The following PARP1 variants were observed in gnomAD, a reference collection of about 807,000 sequenced individuals.
PARP1 encodes poly(ADP-ribose) polymerase 1, also known as poly [ADP-ribose] polymerase 1.
A neutral mutation model predicts 118.7 loss-of-function variants in PARP1; 44 were observed. That is an observed-to-expected ratio of 0.37 (90% confidence interval 0.29 to 0.48). PARP1 has a LOEUF of 0.48. PARP1 is among the 20% of genes least tolerant of loss of function. PARP1 has a pLI of 0.99. For missense variants in PARP1, 1,100 were observed against 1,272.4 expected, an observed-to-expected ratio of 0.86 and a Z score of 2.06; for synonymous variants, 492 against 483.2, an observed-to-expected ratio of 1.02 and a Z score of -0.24.
chr1:226,400,838 C>A (rs1027311961), intron 2 of PARP1, among the ~76,000 whole-genome samples: 46 of 152,222 alleles, frequency 3.0e-4, no homozygotes, highest in African/African-American at 9.6e-4. Flanking sequence ...ATGCTGCTCC[C>A]TTCCTCCTGC....
intron 9 of PARP1, among the ~76,000 whole-genome samples, chr1:226,380,826 G>A (rs1430305459): frequency 4.6e-5 from 7 of 152,298 alleles, no homozygotes; most frequent in East Asian, 3.9e-4. Flanking sequence ...TTCGGGACTA[G>A]GGAGACTCAA....
intron 18 of PARP1, 53 bp downstream of exon 18, chr1:226,365,901 C>T: frequency 1.7e-6 from 2 of 1,182,464 alleles, no homozygotes; most frequent in Non-Finnish European, 2.5e-6. Context: ...GAGGAGTGGG[C>T]AGGGAAGAGC....
At chr1:226,373,393 G>A (rs1558235526) in intron 14 of PARP1, among the ~76,000 whole-genome samples, 1 of 152,200 alleles carries the variant, frequency 6.6e-6, no homozygotes, top group Non-Finnish European at 1.5e-5. Flanking sequence ...CAGCAGCTAG[G>A]GTAGAGAGGA....
chr1:226,367,424 A>G, intron 17 of PARP1, 56 bp downstream of exon 17: 7 of 1,601,274 alleles, frequency 4.4e-6, no homozygotes, highest in Non-Finnish European at 6.0e-6. Context: ...GAAGTTTGGG[A>G]CCGCTGCTCT....
chr1:226,387,601 C>G (rs1036028803), intron 5 of PARP1, among the ~76,000 whole-genome samples: 5 of 152,094 alleles, frequency 3.3e-5, no homozygotes, highest in Non-Finnish European at 2.9e-5. Context: ...TACACTGGGA[C>G]ACCAGGAATG....
intron 15 of PARP1, among the ~76,000 whole-genome samples, 177 bp downstream of exon 15, chr1:226,370,257 T>G (rs2102730046): frequency 6.6e-6 from 1 of 152,326 alleles, no homozygotes; most frequent in South Asian, 2.1e-4. Flanking sequence ...TAAACTTTTG[T>G]AAGTAGCAGG....
intron 13 of PARP1, 81 bp downstream of exon 13, chr1:226,377,027 G>T: frequency 8.2e-7 from 1 of 1,213,568 alleles, no homozygotes; most frequent in Non-Finnish European, 1.2e-6. Context: ...GATGCCACCT[G>T]ATCCACGATG....
At position 226,385,533 on chromosome 1, in the gene PARP1, G is replaced by T; in HGVS notation, c.982C>A (p.Pro328Thr). ...WTKCMVKTQT[P>T]NRKEWVTPKE... Reference sequence around the variant, plus strand: ...GGGGTTACCCACTCCTTCCGGTTGGGTGTCTGTGTCTTGACCATACACTTG... The same window carrying T: ...GGGGTTACCCACTCCTTCCGGTTGGTTGTCTGTGTCTTGACCATACACTTG... Residue 328 changes from proline (P) to threonine (T), a missense_variant, in exon 7 of 23, where the codon CCC (proline) becomes ACC (threonine). Pro to Thr is a conservative substitution (Grantham distance 38, BLOSUM62 -1). Coordinates refer to ENST00000366794, the MANE Select transcript of PARP1 (RefSeq NM_001618.4). 6.2e-7 allele frequency: 1 copy of T among 1,614,126 alleles called. No individual in the cohort carries two copies. Among genetic ancestry groups the T allele is most frequent in the African/African-American group, 1.3e-5 (1 of 75,036 alleles).
chr1:226,402,049 C>G lies in PARP1; in HGVS notation c.286+165G>C, dbSNP rs547524933. Reference sequence around the variant, plus strand: ...ACCAAATATCATGCAACAGATGATGCTGAGTCCAGGAGGTGTTGCTGAAAT... The same window carrying G: ...ACCAAATATCATGCAACAGATGATGGTGAGTCCAGGAGGTGTTGCTGAAAT... On this transcript the variant is annotated intron_variant, in intron 2 of 22. Transcript: ENST00000366794. 17 of 1,537,096 alleles carry G rather than the reference C, an allele frequency of 1.1e-5. No individual in the cohort carries two copies. The East Asian group carries it at 2.7e-4, about 24-fold the overall frequency.
intron 1 of PARP1, among the ~76,000 whole-genome samples, chr1:226,403,569 T>A (rs1050820230): frequency 6.6e-6 from 1 of 152,242 alleles, no homozygotes; most frequent in Admixed American, 6.5e-5. Context: ...TAAGCCATCC[T>A]GTGTAATCCC....
At chr1:226,406,890 C>T (rs185541875) in intron 1 of PARP1, among the ~76,000 whole-genome samples, 221 of 152,272 alleles carry the variant, frequency 1.5e-3, no homozygotes, top group African/African-American at 4.8e-3. Flanking sequence ...TCCTAAAACA[C>T]ATTACAGCTC....
In PARP1 at chr1:226,379,132, C is replaced by T. The variant is rs1381193531; in HGVS notation, c.1745+10G>A. ...TCTCTGCACAACCAGGCTACACCTG[C>T]AGAACTCACCTGTTTTCCTTGTCGT... is the stretch of plus-strand genomic sequence containing the variant. On this transcript the variant is annotated intron_variant, in intron 12 of 22. Coordinates refer to ENST00000366794, the MANE Select transcript of PARP1 (RefSeq NM_001618.4). The T allele has an allele frequency of 6.2e-7, 1 of 1,614,184 alleles. No individual in the cohort carries two copies. The highest frequency in any genetic ancestry group is 8.5e-7 in the Non-Finnish European group (1 of 1,180,042).
chr1:226,402,462 C>A, intron 1 of PARP1, 83 bp from the exon 2 acceptor site: 2 of 1,322,680 alleles, frequency 1.5e-6, no homozygotes, highest in East Asian at 2.5e-5. Context: ...TGACCTCGAC[C>A]CCAGTCCCAG....
At position 226,370,504 on chromosome 1, in the gene PARP1, T is replaced by C. The variant is rs756877100; in HGVS notation, c.2084A>G (p.Lys695Arg). The C allele has an allele frequency of 1.2e-6, 2 of 1,613,776 alleles. No homozygotes were observed. The highest frequency in any genetic ancestry group is 2.2e-5 in the South Asian group (2 of 91,076). Residue 695 changes from lysine (K) to arginine (R), a missense_variant, in exon 15 of 23, where the codon AAG becomes AGG. Physicochemically the swap from Lys to Arg is conservative, Grantham distance 26. Coordinates refer to ENST00000366794, the MANE Select transcript of PARP1 (RefSeq NM_001618.4). ...AMVEYEIDLQ[K>R]MPLGKLSKRQ... is the part of the protein sequence containing the mutation. ...TTTGCTCAGCTTCCCCAAGGGCATC[T>C]TCTGAAGGTCGATCTGAGGAGACAG...
At chr1:226,392,441 T>C (rs528989084) in intron 2 of PARP1, 127 bp from the exon 3 acceptor site, 30 of 748,708 alleles carry the variant, frequency 4.0e-5, no homozygotes, top group Middle Eastern at 7.2e-4. Flanking sequence ...GAGACTACGA[T>C]TGGTCCATCT....
intron 1 of PARP1, among the ~76,000 whole-genome samples, chr1:226,405,092 G>C (rs745523213): frequency 2.0e-5 from 3 of 152,180 alleles, no homozygotes; most frequent in Non-Finnish European, 2.9e-5. Flanking sequence ...AAATGTAAAA[G>C]AAGGTATTTA....
chr1:226,392,917 C>T, intron 2 of PARP1: 1 of 1,564,046 alleles, frequency 6.4e-7, no homozygotes, highest in Admixed American at 2.3e-5. Flanking sequence ...TGTTTCTTGC[C>T]TAAGATTAGG....
In PARP1 at chr1:226,361,964, G is replaced by A. The variant is rs756052374; in HGVS notation, c.2963+5C>T. ...TGCTCACACAGCATACTCAAGAAAG[G>A]ATACTCGTTATATAGTAGAGAGGTG... On this transcript the variant is annotated splice_donor_5th_base_variant and intron_variant, in intron 22 of 22. Transcript: ENST00000366794. 1 of 1,509,418 alleles carries A rather than the reference G, an allele frequency of 6.6e-7. No homozygotes were observed. Among genetic ancestry groups the A allele is most frequent in the East Asian group, 2.3e-5 (1 of 44,418 alleles). 93.5% of individuals were successfully genotyped at this position (1,509,418 alleles called of 1,614,324 possible). A position where few individuals can be genotyped will look rare whatever the true frequency, so the allele number is the denominator to read the frequency against.
chr1:226,392,923 T>C (rs1664847353), intron 2 of PARP1: 1 of 1,568,052 alleles, frequency 6.4e-7, no homozygotes. Flanking sequence ...TTGCCTAAGA[T>C]TAGGAATAAG....
Sources: gnomAD v4.1 joint callset for allele counts (sites outside exome capture counted in the v4.1 genomes callset) on GRCh38, gnomAD v4.1.1 for gene constraint, MANE v1.5 for transcripts, NCBI Gene and HGNC (gene_info 2026-07-23, HGNC 2026-07-21) for gene names.